GAB3: variants seen among roughly 807,000 people sequenced by gnomAD.
GAB3 encodes GRB2 associated binding protein 3, also known as GRB2-associated-binding protein 3.
Under a neutral mutation model 40.4 loss-of-function variants are expected in GAB3, and 12 were observed. The observed-to-expected ratio is 0.30, with a 90% CI of 0.19 to 0.48. GAB3 has a LOEUF of 0.48. Ranked by LOEUF, GAB3 falls within the 20% of genes least tolerant of loss-of-function variation. The pLI is 0.99. For synonymous variants in GAB3, 154 were observed against 176.7 expected (o/e 0.87, Z 1.02); for missense variants, 381 against 461.9 (o/e 0.82, Z 1.61).
At chrX:154,723,310 G>C (rs2071164307) in intron 1 of GAB3, among the ~76,000 whole-genome samples, 1 of 112,348 alleles carries the variant, frequency 8.9e-6, no homozygotes, top group African/African-American at 3.2e-5. Flanking sequence ...AAGAAAAAGG[G>C]TGCTATGTTT....
At position 154,676,293 on chromosome X, in the gene GAB3, T is replaced by A. The variant is rs1603421429; in HGVS notation, c.*1885A>T. On this transcript the variant is annotated 3_prime_UTR_variant, in exon 10 of 10. Transcript: ENST00000424127. Reference sequence around the variant, plus strand: ...TTTTTCTGCACCAGCCTTTGTCAGATAATCAGTGATCCTAACACAAGTGCT... The same window carrying A: ...TTTTTCTGCACCAGCCTTTGTCAGAAAATCAGTGATCCTAACACAAGTGCT... The A allele has an allele frequency of 8.9e-6, 1 of 112,044 alleles. No homozygotes were observed. Among genetic ancestry groups the A allele is most frequent in the East Asian group, 2.8e-4 (1 of 3,575 alleles). The allele number at this position is 112,044 out of a possible 1,213,427, so 9.2% of individuals were successfully genotyped here.
At chrX:154,700,466 C>A (rs782383535) in intron 4 of GAB3, among the ~76,000 whole-genome samples, 2 of 111,010 alleles carry the variant, frequency 1.8e-5, no homozygotes, top group South Asian at 7.6e-4. Context: ...AGAAAAGCTA[C>A]TCAGGTAGAC....
chrX:154,738,240 G>A lies in GAB3; in HGVS notation c.72+12714C>T, dbSNP rs781901872. 4.5e-5 allele frequency among the ~76,000 whole-genome samples: 5 copies of A among 112,168 alleles called. No homozygotes were observed. The East Asian group carries it at 1.4e-3, about 31-fold the overall frequency. On this transcript the variant is annotated intron_variant, in intron 1 of 9. Transcript: ENST00000424127. ...TCTCCAGCTGCTTTCTCAGAAGCACGATGTCCAGATGAGCAATGATGGTCC... is the reference window on the plus strand; with the variant it reads ...TCTCCAGCTGCTTTCTCAGAAGCACAATGTCCAGATGAGCAATGATGGTCC...
chrX:154,742,639 A>G (rs1446483559), intron 1 of GAB3, among the ~76,000 whole-genome samples: 1 of 111,616 alleles, frequency 9.0e-6, no homozygotes, highest in Non-Finnish European at 1.9e-5. Flanking sequence ...GAAAGATCTC[A>G]TATCAATGGC....
At chrX:154,719,780 C>T (rs1474019624) in intron 1 of GAB3, among the ~76,000 whole-genome samples, 3 of 111,788 alleles carry the variant, frequency 2.7e-5, no homozygotes, top group African/African-American at 6.5e-5. Context: ...ACCAGGCTTA[C>T]AGGCTTCTGG....
chrX:154,689,777 A>G (rs2070523051), intron 8 of GAB3, among the ~76,000 whole-genome samples: 1 of 107,989 alleles, frequency 9.3e-6, no homozygotes, highest in Admixed American at 1.0e-4. Flanking sequence ...GGATACAAAC[A>G]AATGGAAGAA....
intron 8 of GAB3, among the ~76,000 whole-genome samples, chrX:154,682,901 C>T (rs1434815555): frequency 2.7e-5 from 3 of 111,369 alleles, no homozygotes; most frequent in Non-Finnish European, 5.7e-5. Flanking sequence ...TTGCTTGAAC[C>T]CGGGAGGCAG....
At chrX:154,743,498 C>T (rs1170334545) in intron 1 of GAB3, among the ~76,000 whole-genome samples, 1 of 111,737 alleles carries the variant, frequency 8.9e-6, no homozygotes, top group Non-Finnish European at 1.9e-5. Context: ...GAAAAGATAA[C>T]TGGTTGTCTA....
intron 9 of GAB3, chrX:154,679,214 A>G (rs193201025): frequency 2.9e-6 from 1 of 340,346 alleles, no homozygotes; most frequent in African/African-American, 2.7e-5. Flanking sequence ...CTAAGGAGAA[A>G]GAGGTATTCT....
Position 154,692,846 on chromosome X carries a change from G to A in GAB3, c.1530+3071C>T, listed in dbSNP as rs782329588. 1.2e-4 allele frequency among the ~76,000 whole-genome samples: 14 copies of A among 112,155 alleles called. No individual in the cohort carries two copies. The South Asian group carries it at 3.7e-3, about 30-fold the overall frequency. ...GATGTGGAGAAATTGGAACCCTTGT[G>A]CGTTACTGGCAGTAATGTAAAATGG... On this transcript the variant is annotated intron_variant, in intron 8 of 9. Coordinates refer to ENST00000424127, the MANE Select transcript of GAB3 (RefSeq NM_001081573.3).
At chrX:154,734,776 A>G (rs914611226) in intron 1 of GAB3, among the ~76,000 whole-genome samples, 3 of 112,279 alleles carry the variant, frequency 2.7e-5, no homozygotes, top group African/African-American at 9.7e-5. Context: ...TTAGCTACAG[A>G]GACAGCAGAT....
Position 154,676,314 on chromosome X carries a change from G to A in GAB3, c.*1864C>T, listed in dbSNP as rs1375832638. ...CAGATAATCAGTGATCCTAACACAA[G>A]TGCTCCACACGAGGGAACTACCCTC... is the stretch of plus-strand genomic sequence containing the variant. On this transcript the variant is annotated 3_prime_UTR_variant, in exon 10 of 10. Coordinates refer to ENST00000424127, the MANE Select transcript of GAB3 (RefSeq NM_001081573.3). 1.8e-5 allele frequency: 2 copies of A among 111,426 alleles called. No individual in the cohort carries two copies. Among genetic ancestry groups the A allele is most frequent in the Non-Finnish European group, 3.8e-5 (2 of 53,066 alleles). The allele number at this position is 111,426 out of a possible 1,213,427, so 9.2% of individuals were successfully genotyped here. A position where few individuals can be genotyped will look rare whatever the true frequency, so the allele number is the denominator to read the frequency against.
At chrX:154,715,516 T>G (rs1265086714) in intron 2 of GAB3, among the ~76,000 whole-genome samples, 33 of 110,156 alleles carry the variant, frequency 3.0e-4, no homozygotes, top group Non-Finnish European at 7.6e-5. Context: ...CAGAGCAAAC[T>G]TACAACTAAT....
chrX:154,720,012 A>G (rs2071104088), intron 1 of GAB3, among the ~76,000 whole-genome samples: 1 of 112,183 alleles, frequency 8.9e-6, no homozygotes, highest in Admixed American at 9.3e-5. Context: ...AACCAAATAT[A>G]CAATGGTGGT....
At chrX:154,732,156 A>T in intron 1 of GAB3, among the ~76,000 whole-genome samples, 1 of 112,230 alleles carries the variant, frequency 8.9e-6, no homozygotes, top group Middle Eastern at 4.6e-3. Context: ...CCACATGAAG[A>T]AAAGCATGAG....
intron 1 of GAB3, among the ~76,000 whole-genome samples, chrX:154,720,594 T>C (rs1429229664): frequency 1.2e-5 from 1 of 83,549 alleles, no homozygotes; most frequent in Non-Finnish European, 2.1e-5. Context: ...GCCACTGCAC[T>C]CCAGCCTGGG....
At chrX:154,696,298 C>CAAAAAAAAA (rs35105330) in intron 7 of GAB3, among the ~76,000 whole-genome samples, 1 of 40,144 alleles carries the variant, frequency 2.5e-5, no homozygotes, top group Non-Finnish European at 4.6e-5. Context: ...TATCATTTAG[C>CAAAAAAAAA]AAAAAAAAAA....
rs1229014094 is a variant in GAB3, at chrX:154,750,402, G to A, written c.72+552C>T. On this transcript the variant is annotated intron_variant, in intron 1 of 9. Coordinates refer to ENST00000424127, the MANE Select transcript of GAB3 (RefSeq NM_001081573.3). ...TATAAAAGCGCGGTGTCAGCATTAA[G>A]AAGAAGCTGAAAGGAGTTACACGAT... Among the ~76,000 whole-genome samples, 3 of 112,403 alleles carry A rather than the reference G, an allele frequency of 2.7e-5. No individual in the cohort carries two copies. In the East Asian group the frequency reaches 8.3e-4, roughly 31 times the overall value.
At position 154,716,835 on chromosome X, in the gene GAB3, G is replaced by C. The variant is rs1018827659; in HGVS notation, c.73-506C>G. 3.6e-5 allele frequency among the ~76,000 whole-genome samples: 4 copies of C among 111,787 alleles called. No individual in the cohort carries two copies. In the East Asian group the frequency reaches 1.1e-3, roughly 31 times the overall value. ...AAATCATACACATTGGAGAGGAGGAGAGAAGATTGCCAGTGTCTGAAGGTG... is the reference window on the plus strand; with the variant it reads ...AAATCATACACATTGGAGAGGAGGACAGAAGATTGCCAGTGTCTGAAGGTG... On this transcript the variant is annotated intron_variant, in intron 1 of 9. Transcript: ENST00000424127.
Sources: gnomAD v4.1 joint callset for allele counts (sites outside exome capture counted in the v4.1 genomes callset) on GRCh38, gnomAD v4.1.1 for gene constraint, MANE v1.5 for transcripts, NCBI Gene and HGNC (gene_info 2026-07-23, HGNC 2026-07-21) for gene names.